The following THSD4 variants were observed in gnomAD, a reference collection of about 807,000 sequenced individuals.
THSD4 encodes the protein thrombospondin type 1 domain containing 4.
THSD4 carries 69 observed loss-of-function variants against 119.0 expected under a neutral mutation model. That is an observed-to-expected ratio of 0.58 (90% CI 0.48 to 0.71). The LOEUF is 0.71. Ranked by LOEUF, THSD4 falls within the 30% of genes least tolerant of loss-of-function variation. The pLI is 0.00. For synonymous variants in THSD4, 524 were observed against 540.4 expected (o/e 0.97, Z 0.42); for missense variants, 1,393 against 1,391.1 (o/e 1.00, Z -0.02).
chr15:71,515,475 G>T (rs1297151578), intron 7 of THSD4, among the ~76,000 whole-genome samples: 1 of 152,182 alleles, frequency 6.6e-6, no homozygotes, highest in Non-Finnish European at 1.5e-5. Context: ...GTCTGTAGTT[G>T]TGTAATCACC....
intron 7 of THSD4, among the ~76,000 whole-genome samples, chr15:71,540,232 G>A (rs1295437114): frequency 1.3e-5 from 2 of 150,526 alleles, no homozygotes; most frequent in Non-Finnish European, 3.0e-5. Context: ...CTGCCTCCTG[G>A]GTTCAAGCGA....
At chr15:71,762,030 G>A (rs745475327) in intron 15 of THSD4, among the ~76,000 whole-genome samples, 9 of 152,292 alleles carry the variant, frequency 5.9e-5, no homozygotes, top group Non-Finnish European at 1.0e-4. Flanking sequence ...TTGGACTATA[G>A]TTTCCTTCTT....
upstream of THSD4, chr15:71,111,021 G>A (rs556658101): frequency 9.5e-7 from 1 of 1,055,626 alleles, no homozygotes; most frequent in Non-Finnish European, 1.4e-6. Context: ...CATGTCCTAA[G>A]GAGAAGCAGC....
upstream of THSD4, among the ~76,000 whole-genome samples, chr15:71,113,172 G>A (rs2040320325): frequency 2.6e-5 from 4 of 152,224 alleles, no homozygotes; most frequent in Admixed American, 2.6e-4. Flanking sequence ...CTGGGTGACA[G>A]AGCAAGACAC....
chr15:71,256,631 A>G lies in THSD4; in HGVS notation c.931A>G (p.Arg311Gly), dbSNP rs1264426829. The G allele has an allele frequency of 6.2e-7, 1 of 1,614,076 alleles. No homozygotes were observed. Among genetic ancestry groups the G allele is most frequent in the Non-Finnish European group, 8.5e-7 (1 of 1,179,960 alleles). Residue 311 changes from arginine (R) to glycine (G), a missense_variant, in exon 6 of 18, where the codon AGA becomes GGA. Physicochemically the swap from Arg to Gly is moderately radical, Grantham distance 125 (BLOSUM62 -2). Transcript: ENST00000261862. ...CNTNVCPESS[R>G]SIREVQCASY... ...TTATTAGGTATGTCCAGAAAGCAGTAGAAGTATCCGGGAGGTACAGTGTGC... is the reference window on the plus strand; with the variant it reads ...TTATTAGGTATGTCCAGAAAGCAGTGGAAGTATCCGGGAGGTACAGTGTGC...
chr15:71,734,528 T>A (rs546181991), intron 10 of THSD4, among the ~76,000 whole-genome samples: 6 of 152,290 alleles, frequency 3.9e-5, no homozygotes, highest in African/African-American at 1.4e-4. Context: ...CAGGGAGGAT[T>A]TCAGGGCGGT....
chr15:71,433,643 C>T (rs1015202636), intron 7 of THSD4, among the ~76,000 whole-genome samples: 1 of 152,220 alleles, frequency 6.6e-6, no homozygotes, highest in Non-Finnish European at 1.5e-5. Context: ...AGGGCAGGGC[C>T]TGTCTGTTCT....
chr15:71,424,325 A>G (rs1481870175), intron 7 of THSD4, among the ~76,000 whole-genome samples: 1 of 152,126 alleles, frequency 6.6e-6, no homozygotes, highest in Non-Finnish European at 1.5e-5. Context: ...TCCTAGGTCT[A>G]CCTTGGGGAG....
At chr15:71,644,366 A>G (rs753668852) in intron 7 of THSD4, among the ~76,000 whole-genome samples, 1 of 152,188 alleles carries the variant, frequency 6.6e-6, no homozygotes, top group Non-Finnish European at 1.5e-5. Flanking sequence ...TTTCAGAGCT[A>G]TATTTTCTGA....
chr15:71,300,033 C>A (rs1414560837), intron 6 of THSD4, among the ~76,000 whole-genome samples: 1 of 148,182 alleles, frequency 6.7e-6, no homozygotes, highest in Non-Finnish European at 1.5e-5. Context: ...CATCTGTGGT[C>A]CCAGTGACCC....
intron 6 of THSD4, among the ~76,000 whole-genome samples, chr15:71,343,205 G>A (rs550464832): frequency 7.2e-5 from 11 of 152,268 alleles, no homozygotes; most frequent in African/African-American, 1.2e-4. Flanking sequence ...ATAATATAGC[G>A]AGACCCTATC....
chr15:71,675,952 T>C (rs959399125), intron 8 of THSD4, among the ~76,000 whole-genome samples: 4 of 152,208 alleles, frequency 2.6e-5, no homozygotes, highest in Non-Finnish European at 5.9e-5. Context: ...TCCTCACTGT[T>C]CCATCCCTGT....
At position 71,737,849 on chromosome 15, in the gene THSD4, C is replaced by G; in HGVS notation, c.1748C>G (p.Ser583Ter). The change falls in exon 11 of 18, where the codon TCA (serine) becomes TGA (stop). Residue 583 changes from serine to a stop codon, truncating the protein, a stop_gained. Transcript: ENST00000261862. LOFTEE classifies it high-confidence loss of function. ...GGGGAGGCCCCTGAGATGTTCACCT[C>G]AGAATCGGCACAGACCTTCCCAGTC... ...LRGEAPEMFT[S>*]ESAQTFPVRH... The G allele has an allele frequency of 6.2e-7, 1 of 1,614,242 alleles. No homozygotes were observed. Among genetic ancestry groups the G allele is most frequent in the Non-Finnish European group, 8.5e-7 (1 of 1,180,038 alleles).
At chr15:71,111,805 G>T (rs186954308), upstream of THSD4, 9 of 527,484 alleles carry the variant, frequency 1.7e-5, no homozygotes. Context: ...CTGAAGCACA[G>T]TTAGGATGAA....
intron 6 of THSD4, among the ~76,000 whole-genome samples, chr15:71,369,654 C>T (rs2046015826): frequency 6.6e-6 from 1 of 152,126 alleles, no homozygotes; most frequent in Admixed American, 6.5e-5. Flanking sequence ...GGTGGATAAG[C>T]TTTTTGATGT....
chr15:71,626,166 G>A (rs1043620972), intron 7 of THSD4, among the ~76,000 whole-genome samples: 3 of 152,072 alleles, frequency 2.0e-5, no homozygotes, highest in Non-Finnish European at 2.9e-5. Flanking sequence ...TTATAGAGAC[G>A]TACAATTTAT....
At chr15:71,750,702 T>A (rs972005415) in intron 14 of THSD4, among the ~76,000 whole-genome samples, 3 of 152,200 alleles carry the variant, frequency 2.0e-5, no homozygotes, top group Non-Finnish European at 4.4e-5. Context: ...GAGCAGACAC[T>A]AATTTGGCCA....
At chr15:71,379,488 T>C (rs181077517) in intron 6 of THSD4, among the ~76,000 whole-genome samples, 7 of 134,040 alleles carry the variant, frequency 5.2e-5, no homozygotes, top group African/African-American at 1.9e-4. Flanking sequence ...AGATGGAGTC[T>C]TGCTCTATCG....
intron 7 of THSD4, among the ~76,000 whole-genome samples, chr15:71,458,823 T>C (rs1255442220): frequency 3.9e-5 from 6 of 152,220 alleles, no homozygotes; most frequent in Non-Finnish European, 8.8e-5. Flanking sequence ...CCATTCTTAT[T>C]CTGTGAGATC....
Sources: allele counts gnomAD v4.1 joint callset (sites outside exome capture counted in the v4.1 genomes callset), GRCh38; gene constraint gnomAD v4.1.1; transcripts MANE v1.5; gene names NCBI Gene and HGNC (gene_info 2026-07-23, HGNC 2026-07-21).